Variants in NR2C2 observed in about 807,000 individuals in gnomAD.
NR2C2 encodes the protein nuclear receptor subfamily 2 group C member 2.
NR2C2 carries 6 observed loss-of-function variants against 62.9 expected under a neutral mutation model. That is an observed-to-expected ratio of 0.10 (90% CI 0.05 to 0.19). NR2C2 has a LOEUF of 0.19. Among genes scored for constraint, NR2C2 ranks in the 10% least tolerant of loss-of-function variants. NR2C2 has a pLI of 1.00. For synonymous variants in NR2C2, 272 were observed against 273.8 expected (o/e 0.99, Z 0.07); for missense variants, 479 against 762.7 (o/e 0.63, Z 4.38).
At chr3:14,999,852 G>T (rs1395168998) in intron 1 of NR2C2, among the ~76,000 whole-genome samples, 1 of 151,878 alleles carries the variant, frequency 6.6e-6, no homozygotes, top group African/African-American at 2.4e-5. Context: ...TATTCCATTG[G>T]TCTGTATGTC....
chr3:14,987,360 G>A (rs890533746), intron 1 of NR2C2, among the ~76,000 whole-genome samples: 3 of 152,134 alleles, frequency 2.0e-5, no homozygotes, highest in African/African-American at 7.2e-5. Flanking sequence ...TGGGATTAGA[G>A]GTATGAGCCA....
At chr3:14,981,329 C>A (rs751360456) in intron 1 of NR2C2, among the ~76,000 whole-genome samples, 2 of 151,966 alleles carry the variant, frequency 1.3e-5, no homozygotes, top group African/African-American at 2.4e-5. Context: ...TTAGGCCGGG[C>A]GCGGTGCCTC....
chr3:15,048,127 T>G lies in NR2C2; in HGVS notation c.*5119T>G, dbSNP rs1412152671. On this transcript the variant is annotated 3_prime_UTR_variant, in exon 14 of 14. Transcript: ENST00000425241. ...TTCTTTTTAAAATAAGTTATCAAAA[T>G]GTTTTAAAAACACTTTATGAGACCA... 3 of 152,688 alleles carry G rather than the reference T, an allele frequency of 2.0e-5. No individual in the cohort carries two copies. Among genetic ancestry groups the G allele is most frequent in the South Asian group, 2.1e-4 (1 of 4,838 alleles). The allele number at this position is 152,688 out of a possible 1,614,324, so 9.5% of individuals were successfully genotyped here.
chr3:14,951,754 G>T (rs2039367109), intron 1 of NR2C2, among the ~76,000 whole-genome samples: 1 of 150,316 alleles, frequency 6.7e-6, no homozygotes, highest in Admixed American at 6.6e-5. Flanking sequence ...TTTTTTGTGT[G>T]TTTTTTTTTG....
chr3:15,048,926 G>C lies in NR2C2; in HGVS notation c.*5918G>C, dbSNP rs555890366. The stretch of plus-strand genomic sequence containing the variant: ...TCTTGGGACCGTTTCTGTAACCTTT[G>C]CCCTTCACAATATAGAAAATATTGG... On this transcript the variant is annotated 3_prime_UTR_variant, in exon 14 of 14. Transcript: ENST00000425241. The C allele has an allele frequency of 6.6e-6, 1 of 152,658 alleles. No homozygotes were observed. Among genetic ancestry groups the C allele is most frequent in the African/African-American group, 2.4e-5 (1 of 41,526 alleles). 9.5% of individuals were successfully genotyped at this position (152,658 alleles called of 1,614,324 possible). A position where few individuals can be genotyped will look rare whatever the true frequency, so the allele number is the denominator to read the frequency against.
intron 1 of NR2C2, among the ~76,000 whole-genome samples, chr3:14,973,138 G>A (rs577674465): frequency 1.4e-3 from 215 of 152,244 alleles, no homozygotes; most frequent in African/African-American, 4.9e-3. Flanking sequence ...TAATTTTGAT[G>A]AAGTTTAATT....
intron 2 of NR2C2, among the ~76,000 whole-genome samples, chr3:15,011,025 T>A (rs982375752): frequency 2.6e-5 from 4 of 152,114 alleles, no homozygotes; most frequent in African/African-American, 9.7e-5. Context: ...GAAAACAGTT[T>A]AGGAAGGAAA....
intron 11 of NR2C2, among the ~76,000 whole-genome samples, chr3:15,037,757 G>A (rs892007842): frequency 2.6e-5 from 4 of 152,378 alleles, no homozygotes; most frequent in Non-Finnish European, 5.9e-5. Context: ...CCTGGCAGCA[G>A]GGTCAGGGAG....
chr3:15,015,515 T>A (rs2041483695), intron 3 of NR2C2, among the ~76,000 whole-genome samples: 1 of 152,200 alleles, frequency 6.6e-6, no homozygotes, highest in Admixed American at 6.5e-5. Flanking sequence ...TTCAAGTTGT[T>A]ACGGGAAGAA....
rs544177859 is a variant in NR2C2, at chr3:15,020,258, G to T, written c.377-495G>T. Reference sequence around the variant, plus strand: ...TCCCCAGGGGAGGTTTCGGGCCCAGGACGTGAATCAGAGAGGGGCTAAATG... The same window carrying T: ...TCCCCAGGGGAGGTTTCGGGCCCAGTACGTGAATCAGAGAGGGGCTAAATG... On this transcript the variant is annotated intron_variant, in intron 4 of 13. Coordinates refer to ENST00000425241, the MANE Select transcript of NR2C2 (RefSeq NM_001291694.2). Among the ~76,000 whole-genome samples the T allele has an allele frequency of 4.6e-5, 7 of 152,298 alleles. No individual in the cohort carries two copies. In the East Asian group the frequency reaches 1.4e-3, roughly 29 times the overall value.
rs942486329 is a variant in NR2C2, at chr3:15,046,598, C to T, written c.*3590C>T. ...GCAGTTCATGCCACATGTGTACATCCATGTTCTGGGACCTGATCTCATTGG... is the reference window on the plus strand; with the variant it reads ...GCAGTTCATGCCACATGTGTACATCTATGTTCTGGGACCTGATCTCATTGG... On this transcript the variant is annotated 3_prime_UTR_variant, in exon 14 of 14. Transcript: ENST00000425241. 5 of 152,302 alleles carry T rather than the reference C, an allele frequency of 3.3e-5. No individual in the cohort carries two copies. 9.4% of individuals were successfully genotyped at this position (152,302 alleles called of 1,614,324 possible).
At chr3:14,997,733 G>GA (rs953897652) in intron 1 of NR2C2, among the ~76,000 whole-genome samples, 5 of 151,008 alleles carry the variant, frequency 3.3e-5, no homozygotes, top group Middle Eastern at 3.4e-3. Context: ...GCTTATGAAA[G>GA]AAAAAAAAAT....
At chr3:15,030,506 GT>G in intron 9 of NR2C2, 54 bp downstream of exon 9, 1 of 1,481,310 alleles carries the variant, frequency 6.8e-7, no homozygotes, top group Non-Finnish European at 9.0e-7. Context: ...GATAGGTTCT[GT>G]ACCAAAGCCG....
chr3:15,011,176 A>T (rs923778642), intron 2 of NR2C2, among the ~76,000 whole-genome samples: 3 of 152,100 alleles, frequency 2.0e-5, no homozygotes, highest in Admixed American at 1.3e-4. Flanking sequence ...TCCACAAAAA[A>T]ATTTTCTAAA....
At chr3:15,002,107 C>T (rs1022886825) in intron 1 of NR2C2, among the ~76,000 whole-genome samples, 11 of 152,168 alleles carry the variant, frequency 7.2e-5, no homozygotes, top group Admixed American at 3.9e-4. Flanking sequence ...GCTAGAACCC[C>T]TAGTGCAATG....
intron 7 of NR2C2, among the ~76,000 whole-genome samples, chr3:15,024,463 G>T (rs189921815): frequency 1.8e-4 from 28 of 152,274 alleles, no homozygotes; most frequent in Non-Finnish European, 3.5e-4. Context: ...GACATTCAGT[G>T]GTTCTCTTTT....
At chr3:15,041,430 G>T (rs1411964413) in intron 13 of NR2C2, among the ~76,000 whole-genome samples, 1 of 152,152 alleles carries the variant, frequency 6.6e-6, no homozygotes, top group African/African-American at 2.4e-5. Context: ...CTGAGTGAAT[G>T]GATGCTGGTG....
chr3:15,032,206 G>A (rs1156864953), intron 9 of NR2C2, among the ~76,000 whole-genome samples, 173 bp from the exon 10 acceptor site: 1 of 152,170 alleles, frequency 6.6e-6, no homozygotes, highest in East Asian at 1.9e-4. Flanking sequence ...CTAGTTCACT[G>A]AGCAAGAAAA....
At chr3:14,981,276 G>T (rs964388763) in intron 1 of NR2C2, among the ~76,000 whole-genome samples, 1 of 152,046 alleles carries the variant, frequency 6.6e-6, no homozygotes, top group African/African-American at 2.4e-5. Flanking sequence ...AGACCAGACC[G>T]GACAATATGG....
Sources: allele counts gnomAD v4.1 joint callset (sites outside exome capture counted in the v4.1 genomes callset), GRCh38; gene constraint gnomAD v4.1.1; transcripts MANE v1.5; gene names NCBI Gene and HGNC (gene_info 2026-07-23, HGNC 2026-07-21).